The following PDE10A variants were observed in gnomAD, a reference collection of about 807,000 sequenced individuals.
The protein encoded by PDE10A is phosphodiesterase 10A, also known as cAMP and cAMP-inhibited cGMP 3',5'-cyclic phosphodiesterase 10A.
A neutral mutation model predicts 97.7 loss-of-function variants in PDE10A; 39 were observed. The ratio of observed to expected loss-of-function variants is 0.40; its 90% CI spans 0.31 to 0.52. The LOEUF is 0.52. Among genes scored for constraint, PDE10A ranks in the 20% least tolerant of loss-of-function variants. The pLI, the probability that PDE10A is intolerant of heterozygous loss-of-function variation, is 0.56. For missense variants in PDE10A, 731 were observed against 1,047.8 expected (o/e 0.70, Z 4.17); for synonymous variants, 371 against 376.8 (o/e 0.98, Z 0.18).
intron 13 of PDE10A, among the ~76,000 whole-genome samples, chr6:165,400,462 T>C (rs1786561336): frequency 6.6e-6 from 1 of 152,130 alleles, no homozygotes; most frequent in Non-Finnish European, 1.5e-5. Flanking sequence ...AAATGACCTG[T>C]ATCCAGAATA....
At chr6:165,386,506 A>T (rs961606181) in intron 17 of PDE10A, among the ~76,000 whole-genome samples, 5 of 152,180 alleles carry the variant, frequency 3.3e-5, no homozygotes, top group African/African-American at 1.2e-4. Flanking sequence ...AATTATTTTT[A>T]AGTGAAGTCA....
At chr6:165,550,780 T>G (rs967408498) in intron 1 of PDE10A, among the ~76,000 whole-genome samples, 35 of 152,210 alleles carry the variant, frequency 2.3e-4, no homozygotes, top group African/African-American at 8.0e-4. Flanking sequence ...GTAACTGGAA[T>G]GGGCTACATG....
At chr6:165,916,662 T>G (rs1351668737) in intron 1 of PDE10A, among the ~76,000 whole-genome samples, 1 of 152,234 alleles carries the variant, frequency 6.6e-6, no homozygotes, top group East Asian at 1.9e-4. Flanking sequence ...TTATTTCATT[T>G]ATTGATTGAT....
intron 5 of PDE10A, among the ~76,000 whole-genome samples, chr6:165,439,704 ATAATT>A (rs1218119447): frequency 7.9e-5 from 12 of 152,256 alleles, no homozygotes. Flanking sequence ...CTAAAGTGAG[ATAATT>A]TAAACTAGAA....
chr6:165,564,472 T>C (rs1053374269), intron 1 of PDE10A, among the ~76,000 whole-genome samples: 61 of 152,348 alleles, frequency 4.0e-4, no homozygotes, highest in African/African-American at 1.4e-3. Flanking sequence ...ATGGTTGTTT[T>C]CAATCTTGCA....
intron 1 of PDE10A, among the ~76,000 whole-genome samples, chr6:165,912,359 G>C (rs1042367251): frequency 6.6e-6 from 1 of 152,122 alleles, no homozygotes; most frequent in Non-Finnish European, 1.5e-5. Flanking sequence ...ATTAACACCC[G>C]CAGTGTTGTG....
upstream of PDE10A, among the ~76,000 whole-genome samples, chr6:165,667,566 T>C (rs1019751433): frequency 2.6e-5 from 4 of 151,940 alleles, no homozygotes; most frequent in African/African-American, 9.7e-5. Context: ...TTTGATGAGA[T>C]GCAAATGGTT....
At chr6:165,740,316 AAGAGAGAG>A (rs60010542) in intron 1 of PDE10A, among the ~76,000 whole-genome samples, 6,971 of 146,630 alleles carry the variant, frequency 0.048, 264 homozygotes, top group South Asian at 0.19. Context: ...TATGGAGAGA[AAGAGAGAG>A]AGAGAGAGAG....
chr6:165,702,178 T>C (rs1791596671), intron 1 of PDE10A, among the ~76,000 whole-genome samples: 1 of 152,112 alleles, frequency 6.6e-6, no homozygotes, highest in Non-Finnish European at 1.5e-5. Flanking sequence ...CGGCAGAGGG[T>C]CTGCCTCAAG....
At chr6:165,642,257 T>C (rs1455619704) in intron 1 of PDE10A, among the ~76,000 whole-genome samples, 3 of 152,178 alleles carry the variant, frequency 2.0e-5, no homozygotes, top group Non-Finnish European at 4.4e-5. Context: ...GAGATGTCCC[T>C]AGATGCCCCG....
intron 1 of PDE10A, among the ~76,000 whole-genome samples, chr6:165,875,478 G>A (rs1452138136): frequency 3.9e-5 from 6 of 152,168 alleles, no homozygotes; most frequent in Non-Finnish European, 8.8e-5. Context: ...AAGCACTTCA[G>A]AGGGAATTAT....
intron 1 of PDE10A, among the ~76,000 whole-genome samples, chr6:165,691,098 TTTCTCTCTCCCCCCCC>T (rs1791264735): frequency 7.2e-5 from 2 of 27,694 alleles, no homozygotes; most frequent in African/African-American, 3.8e-4. Context: ...TCTCTCTCTC[TTTCTCTCTCCCCCCCC>T]CCATCAGTGC....
rs112429786 is a variant in PDE10A, at chr6:165,631,858, C to T, written c.865+30089G>A. Among the ~76,000 whole-genome samples the T allele has an allele frequency of 8.2e-3, 1,243 of 152,212 alleles. 15 individuals are homozygous for T. Among genetic ancestry groups the T allele is most frequent in the African/African-American group, 0.028 (1,180 of 41,510 alleles). ...AATAAACGACCACCCAAAGATAGTGCCTATTCCTCAAGGTGACAGTGACAT... is the reference window on the plus strand; with the variant it reads ...AATAAACGACCACCCAAAGATAGTGTCTATTCCTCAAGGTGACAGTGACAT... On this transcript the variant is annotated intron_variant, in intron 1 of 21. Coordinates refer to ENST00000539869, the MANE Select transcript of PDE10A (RefSeq NM_001385079.1).
intron 1 of PDE10A, among the ~76,000 whole-genome samples, chr6:165,794,213 TCA>T (rs772505900): frequency 4.9e-5 from 7 of 142,458 alleles, no homozygotes; most frequent in Non-Finnish European, 9.1e-5. Context: ...CACACACTCA[TCA>T]CACAATCATA....
At chr6:165,492,775 G>A (rs1780302812) in intron 2 of PDE10A, among the ~76,000 whole-genome samples, 1 of 152,090 alleles carries the variant, frequency 6.6e-6, no homozygotes, top group Non-Finnish European at 1.5e-5. Context: ...TCTGAGAACT[G>A]GAACAAGACA....
chr6:165,616,706 T>C (rs1016194569), intron 1 of PDE10A, among the ~76,000 whole-genome samples: 6 of 152,206 alleles, frequency 3.9e-5, no homozygotes, highest in African/African-American at 1.4e-4. Context: ...AGACAACTTA[T>C]TATAATCAGT....
At chr6:165,732,539 C>T (rs1260140271) in intron 1 of PDE10A, among the ~76,000 whole-genome samples, 1 of 152,202 alleles carries the variant, frequency 6.6e-6, no homozygotes, top group East Asian at 1.9e-4. Context: ...CTTTACCAGT[C>T]ACCACACAAA....
intron 1 of PDE10A, among the ~76,000 whole-genome samples, chr6:165,966,900 A>G (rs562999367): frequency 6.6e-6 from 1 of 152,076 alleles, no homozygotes; most frequent in South Asian, 2.1e-4. Flanking sequence ...TAAATAGATG[A>G]AAAAATCTAC....
chr6:165,939,660 A>T (rs768202764), intron 1 of PDE10A: 1 of 152,222 alleles, frequency 6.6e-6, no homozygotes, highest in African/African-American at 2.4e-5. Flanking sequence ...CACATCGCTA[A>T]TTAGAAAAGT....
Sources: allele counts gnomAD v4.1 joint callset (sites outside exome capture counted in the v4.1 genomes callset), GRCh38; gene constraint gnomAD v4.1.1; transcripts MANE v1.5; gene names NCBI Gene and HGNC (gene_info 2026-07-23, HGNC 2026-07-21).